The following SPON1 variants were observed in gnomAD, a reference collection of about 807,000 sequenced individuals.
SPON1 encodes the protein spondin-1.
A neutral mutation model predicts 111.7 loss-of-function variants in SPON1; 52 were observed. The observed-to-expected ratio is 0.47, with a 90% CI of 0.37 to 0.59. SPON1 has a LOEUF of 0.59. SPON1 is among the 20% of genes least tolerant of loss of function. The probability of loss-of-function intolerance (pLI) is 0.00; values close to 1 mark genes in which losing one functional copy is unlikely to be tolerated. For missense variants in SPON1, 957 were observed against 1,068.5 expected (o/e 0.90, Z 1.46); for synonymous variants, 410 against 395.8 (o/e 1.04, Z -0.43).
At chr11:14,204,315 A>G (rs1202219627) in intron 6 of SPON1, among the ~76,000 whole-genome samples, 1 of 152,018 alleles carries the variant, frequency 6.6e-6, no homozygotes, top group Admixed American at 6.6e-5. Context: ...TTCTCTTTTT[A>G]TCTGTCTCTG....
intron 6 of SPON1, among the ~76,000 whole-genome samples, chr11:14,156,995 C>G (rs146560126): frequency 8.8e-4 from 134 of 152,246 alleles, no homozygotes; most frequent in Non-Finnish European, 1.5e-3. Flanking sequence ...GAGATTTGGT[C>G]GAGGACGGAG....
At chr11:14,236,862 G>A (rs970913562) in intron 6 of SPON1, among the ~76,000 whole-genome samples, 2 of 152,210 alleles carry the variant, frequency 1.3e-5, no homozygotes, top group Admixed American at 6.5e-5. Flanking sequence ...GCTTTGGCAC[G>A]GAGAGGTCAC....
chr11:14,061,560 C>T (rs1848791127), intron 3 of SPON1, among the ~76,000 whole-genome samples: 1 of 152,248 alleles, frequency 6.6e-6, no homozygotes. Context: ...CAATATATCA[C>T]TTCCAGTAAA....
chr11:13,980,158 A>G (rs1349685222), intron 1 of SPON1, among the ~76,000 whole-genome samples: 1 of 151,800 alleles, frequency 6.6e-6, no homozygotes, highest in African/African-American at 2.4e-5. Context: ...CTCCTGCCTC[A>G]GCCTCGTGAG....
rs530136657 is a variant in SPON1, at chr11:14,150,576, A to G, written c.825+15008A>G. On this transcript the variant is annotated intron_variant, in intron 6 of 15. Transcript: ENST00000576479. ...ATCACACTATACCCTGTAAATATGT[A>G]CAAAACTATGTGTCAACTAAAAATA... Among the ~76,000 whole-genome samples the G allele has an allele frequency of 4.6e-5, 7 of 152,334 alleles. No homozygotes were observed. The South Asian group carries it at 8.3e-4, about 18-fold the overall frequency.
At chr11:14,100,698 C>A (rs950731369) in intron 5 of SPON1, among the ~76,000 whole-genome samples, 3 of 152,142 alleles carry the variant, frequency 2.0e-5, no homozygotes, top group African/African-American at 7.2e-5. Context: ...TTTTACACAA[C>A]CATAAACATT....
intron 3 of SPON1, among the ~76,000 whole-genome samples, chr11:14,051,041 T>G (rs1184013931): frequency 6.6e-6 from 1 of 152,102 alleles, no homozygotes; most frequent in Non-Finnish European, 1.5e-5. Flanking sequence ...ACTGCAACAG[T>G]GGTTGGAGTC....
intron 6 of SPON1, among the ~76,000 whole-genome samples, chr11:14,181,096 T>G (rs1206503664): frequency 6.6e-6 from 1 of 152,060 alleles, no homozygotes. Flanking sequence ...GGTCAGGACC[T>G]CTCCTATAGG....
chr11:13,995,611 G>A (rs1564881808), intron 2 of SPON1, among the ~76,000 whole-genome samples: 2 of 152,078 alleles, frequency 1.3e-5, no homozygotes, highest in East Asian at 3.9e-4. Flanking sequence ...CCTACACATG[G>A]GGATTAAAAT....
At chr11:14,067,952 T>G (rs1919297) in intron 3 of SPON1, among the ~76,000 whole-genome samples, 39,435 of 152,158 alleles carry the variant, frequency 0.26, 6,149 homozygotes, top group South Asian at 0.42. Flanking sequence ...CTTATTCATC[T>G]TTGTATCTCT....
At chr11:14,192,794 G>T (rs1464713833) in intron 6 of SPON1, among the ~76,000 whole-genome samples, 2 of 151,320 alleles carry the variant, frequency 1.3e-5, no homozygotes, top group African/African-American at 2.4e-5. Flanking sequence ...GTGCCCGGGG[G>T]AGAACATCAA....
chr11:14,143,219 G>A (rs1303786794), intron 6 of SPON1, among the ~76,000 whole-genome samples: 5 of 152,250 alleles, frequency 3.3e-5, no homozygotes, highest in African/African-American at 4.8e-5. Flanking sequence ...AGAACCATCC[G>A]GCCTGTTATT....
chr11:14,263,897 C>T (rs1323795166), intron 15 of SPON1, among the ~76,000 whole-genome samples: 2 of 151,890 alleles, frequency 1.3e-5, no homozygotes, highest in South Asian at 2.1e-4. Context: ...GGCATGGTGG[C>T]GCACACCTGT....
intron 2 of SPON1, among the ~76,000 whole-genome samples, chr11:14,024,359 A>T (rs1848502224): frequency 6.6e-6 from 1 of 152,082 alleles, no homozygotes; most frequent in East Asian, 1.9e-4. Context: ...TACCAGAAAA[A>T]TTTGATCACA....
chr11:14,010,709 T>A (rs1453351811), intron 2 of SPON1, among the ~76,000 whole-genome samples: 1 of 152,168 alleles, frequency 6.6e-6, no homozygotes, highest in African/African-American at 2.4e-5. Flanking sequence ...CAACCCAAAC[T>A]CTCTGAGGCA....
At chr11:14,039,575 A>C (rs1848618298) in intron 2 of SPON1, among the ~76,000 whole-genome samples, 1 of 152,284 alleles carries the variant, frequency 6.6e-6, no homozygotes, top group South Asian at 2.1e-4. Context: ...CTACTCTATC[A>C]TATTAAAAAA....
chr11:13,997,423 C>G (rs909477865), intron 2 of SPON1, among the ~76,000 whole-genome samples: 1 of 152,296 alleles, frequency 6.6e-6, no homozygotes, highest in South Asian at 2.1e-4. Flanking sequence ...TACTTAGTCC[C>G]TTCATCTACA....
At chr11:14,060,149 T>A (rs1848780984) in intron 3 of SPON1, among the ~76,000 whole-genome samples, 2 of 152,164 alleles carry the variant, frequency 1.3e-5, no homozygotes, top group African/African-American at 4.8e-5. Flanking sequence ...TGTGAGAAAT[T>A]GAAGCTCAGA....
intron 3 of SPON1, among the ~76,000 whole-genome samples, chr11:14,073,627 A>G (rs1318091428): frequency 1.3e-5 from 2 of 152,120 alleles, no homozygotes; most frequent in African/African-American, 2.4e-5. Flanking sequence ...CTTTCCCAGC[A>G]TGGTTAGGAT....
Sources: gnomAD v4.1 joint callset for allele counts (sites outside exome capture counted in the v4.1 genomes callset) on GRCh38, gnomAD v4.1.1 for gene constraint, MANE v1.5 for transcripts, NCBI Gene and HGNC (gene_info 2026-07-23, HGNC 2026-07-21) for gene names.